The following TMEM236 variants were observed in gnomAD, a reference collection of about 807,000 sequenced individuals.
TMEM236 encodes the protein transmembrane protein 236.
TMEM236 carries 11 observed loss-of-function variants against 14.7 expected under a neutral mutation model. The ratio of observed to expected loss-of-function variants is 0.75; its 90% CI spans 0.47 to 1.24. TMEM236 has a LOEUF of 1.24. Among genes scored for constraint, TMEM236 ranks in the 50% most tolerant of loss-of-function variants. The pLI is 0.00. For missense variants in TMEM236, 464 were observed against 427.3 expected, an observed-to-expected ratio of 1.09 and a Z score of -0.76; for synonymous variants, 182 against 168.6, an observed-to-expected ratio of 1.08 and a Z score of -0.62.
At chr10:17,773,323 C>T (rs1236117934) in intron 2 of TMEM236, among the ~76,000 whole-genome samples, 1 of 152,126 alleles carries the variant, frequency 6.6e-6, no homozygotes, top group African/African-American at 2.4e-5. Flanking sequence ...GAGCATTCAC[C>T]AGCGCTTGCG....
At chr10:17,753,707 A>G (rs1319079773) in intron 1 of TMEM236, among the ~76,000 whole-genome samples, 1 of 152,262 alleles carries the variant, frequency 6.6e-6, no homozygotes, top group African/African-American at 2.4e-5. Context: ...TGCAACGAAC[A>G]TACGGGTGCA....
At chr10:17,760,593 A>G (rs1336552181) in intron 1 of TMEM236, among the ~76,000 whole-genome samples, 1 of 152,178 alleles carries the variant, frequency 6.6e-6, no homozygotes, top group Non-Finnish European at 1.5e-5. Context: ...AAAGATCAAT[A>G]ATTTTGTCAT....
chr10:17,781,210 A>G (rs1554835392), intron 3 of TMEM236, among the ~76,000 whole-genome samples: 1 of 152,194 alleles, frequency 6.6e-6, no homozygotes, highest in East Asian at 1.9e-4. Context: ...TGTTTGTTAG[A>G]AAATGATTTG....
At chr10:17,769,664 T>G (rs1201069215) in intron 1 of TMEM236, among the ~76,000 whole-genome samples, 4 of 152,176 alleles carry the variant, frequency 2.6e-5, no homozygotes, top group African/African-American at 9.7e-5. Context: ...AGCTACCAGT[T>G]GAAAATTCCA....
chr10:17,763,994 T>C (rs1324994586), intron 1 of TMEM236, among the ~76,000 whole-genome samples: 1 of 151,908 alleles, frequency 6.6e-6, no homozygotes, highest in Non-Finnish European at 1.5e-5. Context: ...CTGTAGCGCT[T>C]AGCCTGTGGC....
intron 3 of TMEM236, among the ~76,000 whole-genome samples, chr10:17,782,005 G>C (rs1029385999): frequency 1.3e-5 from 2 of 152,072 alleles, no homozygotes; most frequent in African/African-American, 2.4e-5. Flanking sequence ...GAGATAGATA[G>C]GTTGCCAACT....
intron 1 of TMEM236, among the ~76,000 whole-genome samples, chr10:17,768,598 G>A (rs1201394850): frequency 6.6e-6 from 1 of 152,140 alleles, no homozygotes; most frequent in Non-Finnish European, 1.5e-5. Flanking sequence ...AAATAAAGTA[G>A]CAAACAAGTC....
At chr10:17,780,638 C>T (rs1001078209) in intron 3 of TMEM236, among the ~76,000 whole-genome samples, 8 of 152,096 alleles carry the variant, frequency 5.3e-5, no homozygotes, top group Non-Finnish European at 5.9e-5. Flanking sequence ...AGAACTAAGG[C>T]GTGTATGTAG....
At chr10:17,773,839 G>A (rs1837614326) in intron 2 of TMEM236, among the ~76,000 whole-genome samples, 1 of 152,142 alleles carries the variant, frequency 6.6e-6, no homozygotes, top group East Asian at 1.9e-4. Flanking sequence ...TTGATTATAT[G>A]TATTGCAAAT....
chr10:17,796,521 A>G lies in TMEM236; in HGVS notation c.*17A>G. 2 of 1,583,172 alleles carry G rather than the reference A, an allele frequency of 1.3e-6. No individual in the cohort carries two copies. The highest frequency in any genetic ancestry group is 1.7e-6 in the Non-Finnish European group (2 of 1,152,090). ...CCATTTTAAAAAGGAAATGGGATCT[A>G]GTAAGGCCTCTTTGTGATACCTGTG... On this transcript the variant is annotated 3_prime_UTR_variant, in exon 4 of 4. Coordinates refer to ENST00000377495, the MANE Select transcript of TMEM236 (RefSeq NM_001098844.3).
chr10:17,780,743 A>G lies in TMEM236; in HGVS notation c.472+4573A>G, dbSNP rs1385819074. Among the ~76,000 whole-genome samples the G allele has an allele frequency of 3.9e-5, 6 of 152,316 alleles. No individual in the cohort carries two copies. In the East Asian group the frequency reaches 1.2e-3, roughly 29 times the overall value. ...ATCTTGTGCCAAGAAGATTAAGGAC[A>G]TGGACACACACAAGGAGTGAGTTTA... is the stretch of plus-strand genomic sequence containing the variant. On this transcript the variant is annotated intron_variant, in intron 3 of 3. Transcript: ENST00000377495.
chr10:17,754,362 C>A (rs1244056861), intron 1 of TMEM236, among the ~76,000 whole-genome samples: 2 of 151,928 alleles, frequency 1.3e-5, no homozygotes, highest in Non-Finnish European at 2.9e-5. Flanking sequence ...GCTCTGTTGC[C>A]CAGGTTGGAG....
rs1306343945 is a variant in TMEM236, at chr10:17,798,971, T to G, written c.*2467T>G. ...CCTCTGGGAATAATCATTTCAACTTTGCATTTGTGAAAAATAATACATACA... is the reference window on the plus strand; with the variant it reads ...CCTCTGGGAATAATCATTTCAACTTGGCATTTGTGAAAAATAATACATACA... On this transcript the variant is annotated 3_prime_UTR_variant, in exon 4 of 4. Transcript: ENST00000377495. 2.9e-5 allele frequency: 9 copies of G among 312,952 alleles called. No individual in the cohort carries two copies. Among genetic ancestry groups the G allele is most frequent in the Admixed American group, 4.7e-5 (1 of 21,168 alleles). The allele number at this position is 312,952 out of a possible 1,614,324, so 19.4% of individuals were successfully genotyped here. A position where few individuals can be genotyped will look rare whatever the true frequency, so the allele number is the denominator to read the frequency against.
At chr10:17,783,143 G>T (rs1351639682) in intron 3 of TMEM236, among the ~76,000 whole-genome samples, 1 of 152,158 alleles carries the variant, frequency 6.6e-6, no homozygotes, top group Non-Finnish European at 1.5e-5. Context: ...GATGGGAGCC[G>T]AATGATATCA....
intron 1 of TMEM236, among the ~76,000 whole-genome samples, chr10:17,764,850 T>TTTTTTTTTGA (rs1325101047): frequency 4.6e-5 from 7 of 150,764 alleles, no homozygotes; most frequent in Admixed American, 4.6e-4. Flanking sequence ...TTTTTTTTTT[T>TTTTTTTTTGA]GAGACGGGGT....
rs976942316 is a variant in TMEM236, at chr10:17,797,397, G to T, written c.*893G>T. The T allele has an allele frequency of 6.6e-6, 1 of 151,682 alleles. No homozygotes were observed. The highest frequency in any genetic ancestry group is 1.5e-5 in the Non-Finnish European group (1 of 68,040). 9.4% of individuals were successfully genotyped at this position (151,682 alleles called of 1,614,324 possible). ...CAACCTGTATCTCCCGGGTTCAAGC[G>T]ATTCTCCTGCCTCAGCCTCCCAAGT... On this transcript the variant is annotated 3_prime_UTR_variant, in exon 4 of 4. Coordinates refer to ENST00000377495, the MANE Select transcript of TMEM236 (RefSeq NM_001098844.3).
At chr10:17,784,482 GA>G (rs1185881825) in intron 3 of TMEM236, among the ~76,000 whole-genome samples, 4 of 152,116 alleles carry the variant, frequency 2.6e-5, no homozygotes, top group Non-Finnish European at 5.9e-5. Context: ...TTTAAAAAAG[GA>G]AACCTCATTG....
At position 17,798,713 on chromosome 10, in the gene TMEM236, A is replaced by AT; in HGVS notation, c.*2210dup. 1 of 534,366 alleles carries AT rather than the reference A, an allele frequency of 1.9e-6. No individual in the cohort carries two copies. Among genetic ancestry groups the AT allele is most frequent in the East Asian group, 5.4e-5 (1 of 18,352 alleles). The allele number at this position is 534,366 out of a possible 1,614,324, so 33.1% of individuals were successfully genotyped here. On this transcript the variant is annotated 3_prime_UTR_variant, in exon 4 of 4. Coordinates refer to ENST00000377495, the MANE Select transcript of TMEM236 (RefSeq NM_001098844.3). ...AGCTTTCTAATTTGAGGTAGGTTCT[A>AT]TAACCTCTGTGGGTCCCCGTTTCCA...
chr10:17,761,082 G>T (rs1407289914), intron 1 of TMEM236, among the ~76,000 whole-genome samples: 4 of 152,084 alleles, frequency 2.6e-5, no homozygotes, highest in African/African-American at 9.7e-5. Context: ...ACCACATTCT[G>T]GTAATTCTTC....
Sources: gnomAD v4.1 joint callset for allele counts (sites outside exome capture counted in the v4.1 genomes callset) on GRCh38, gnomAD v4.1.1 for gene constraint, MANE v1.5 for transcripts, NCBI Gene and HGNC (gene_info 2026-07-23, HGNC 2026-07-21) for gene names.